MTMR8: variants seen among roughly 807,000 people sequenced by gnomAD.
The protein encoded by MTMR8 is myotubularin related protein 8.
In MTMR8, 65 loss-of-function variants were observed where a neutral mutation model predicts 39.3. The ratio of observed to expected loss-of-function variants is 1.65; its 90% CI spans 1.35 to 2.03. The LOEUF (loss-of-function observed/expected upper bound fraction) is 2.03, where lower values mean the gene tolerates loss of function less well. MTMR8 is among the 30% of genes most tolerant of loss of function. The pLI, the probability that MTMR8 is intolerant of heterozygous loss-of-function variation, is 0.00. For synonymous variants in MTMR8, 245 were observed against 185.2 expected, an observed-to-expected ratio of 1.32 and a Z score of -2.62; for missense variants, 777 against 538.9, an observed-to-expected ratio of 1.44 and a Z score of -4.37.
intron 12 of MTMR8, among the ~76,000 whole-genome samples, chrX:64,321,891 T>C (rs1027698814): frequency 1.8e-5 from 2 of 112,062 alleles, no homozygotes; most frequent in Non-Finnish European, 3.8e-5. Context: ...TGTCAAATAC[T>C]TTTTCTTCAT....
rs760545171 is a variant in MTMR8, at chrX:64,362,471, G to GAAAAAA, written c.25-2950_25-2945dup. On this transcript the variant is annotated intron_variant, in intron 1 of 13. Coordinates refer to ENST00000374852, the MANE Select transcript of MTMR8 (RefSeq NM_017677.4). Reference sequence around the variant, plus strand: ...ACAAAAAACCTCTAGTACTATTGCAGAAAAAAAAAAAAAAAAAAAAAAAAA... The same window carrying GAAAAAA: ...ACAAAAAACCTCTAGTACTATTGCAGAAAAAAAAAAAAAAAAAAAAAAAAAAAAAAA... Among the ~76,000 whole-genome samples, 7 of 5,500 alleles carry GAAAAAA rather than the reference G, an allele frequency of 1.3e-3. 1 individual carries two copies. The highest frequency in any genetic ancestry group is 1.7e-3 in the African/African-American group (3 of 1,755). 4.8% of individuals were successfully genotyped at this position (5,500 alleles called of 115,157 possible).
intron 1 of MTMR8, among the ~76,000 whole-genome samples, chrX:64,372,490 T>A (rs908799544): frequency 2.7e-5 from 3 of 111,480 alleles, no homozygotes; most frequent in African/African-American, 9.8e-5. Context: ...ACCCATCCCT[T>A]CTCCATCGAG....
At chrX:64,340,824 T>C (rs1051683536) in intron 8 of MTMR8, among the ~76,000 whole-genome samples, 21 of 111,564 alleles carry the variant, frequency 1.9e-4, no homozygotes, top group African/African-American at 6.9e-4. Flanking sequence ...TAAAACATGA[T>C]ACAAAATCTA....
intron 12 of MTMR8, among the ~76,000 whole-genome samples, chrX:64,322,547 G>A (rs978106637): frequency 1.8e-5 from 2 of 111,790 alleles, no homozygotes; most frequent in Admixed American, 1.9e-4. Flanking sequence ...TTCTTTGATT[G>A]GAGACTTTCT....
intron 12 of MTMR8, among the ~76,000 whole-genome samples, chrX:64,316,082 A>G (rs757059599): frequency 1.3e-4 from 15 of 111,525 alleles, no homozygotes; most frequent in African/African-American, 4.6e-4. Flanking sequence ...CTCTCTATAC[A>G]TTTAGAATCA....
intron 1 of MTMR8, among the ~76,000 whole-genome samples, chrX:64,375,617 T>C (rs1255516050): frequency 1.8e-5 from 2 of 110,868 alleles, no homozygotes; most frequent in Non-Finnish European, 3.8e-5. Context: ...TGCTCATAAA[T>C]GGGATTAGTG....
At chrX:64,291,800 C>T (rs994761579) in intron 12 of MTMR8, among the ~76,000 whole-genome samples, 4 of 111,596 alleles carry the variant, frequency 3.6e-5, no homozygotes, top group African/African-American at 1.3e-4. Flanking sequence ...TCTATATTTT[C>T]TATGGTCTCC....
At chrX:64,383,684 A>G (rs758258136) in intron 1 of MTMR8, among the ~76,000 whole-genome samples, 1 of 110,344 alleles carries the variant, frequency 9.1e-6, no homozygotes, top group South Asian at 3.9e-4. Flanking sequence ...CTCACACAAT[A>G]TCATGAGAAC....
intron 8 of MTMR8, among the ~76,000 whole-genome samples, chrX:64,341,414 G>A (rs986867548): frequency 9.5e-6 from 1 of 105,577 alleles, no homozygotes; most frequent in African/African-American, 3.5e-5. Flanking sequence ...GGTAGGCGGA[G>A]GTTGCAGTGA....
chrX:64,353,239 G>A (rs1250113385), intron 4 of MTMR8, among the ~76,000 whole-genome samples: 2 of 111,719 alleles, frequency 1.8e-5, no homozygotes, highest in East Asian at 5.6e-4. Context: ...AGCAAAAATA[G>A]GCAAATGGGT....
At chrX:64,350,444 T>C (rs1335912485) in intron 4 of MTMR8, among the ~76,000 whole-genome samples, 4 of 111,837 alleles carry the variant, frequency 3.6e-5, no homozygotes, top group African/African-American at 9.7e-5. Context: ...TGTGTTTCTG[T>C]CTATGATTTT....
chrX:64,338,342 C>T (rs2147224492), intron 8 of MTMR8, among the ~76,000 whole-genome samples: 1 of 112,014 alleles, frequency 8.9e-6, no homozygotes, highest in Non-Finnish European at 1.9e-5. Flanking sequence ...AAAATCCATG[C>T]CAGGTATAAC....
intron 12 of MTMR8, among the ~76,000 whole-genome samples, chrX:64,317,533 C>T (rs1922504461): frequency 9.0e-6 from 1 of 111,512 alleles, no homozygotes; most frequent in South Asian, 3.8e-4. Flanking sequence ...GAATAATTTT[C>T]ATTTGGTTCT....
At chrX:64,282,980 C>A (rs1825884158) in intron 12 of MTMR8, among the ~76,000 whole-genome samples, 1 of 111,621 alleles carries the variant, frequency 9.0e-6, no homozygotes, top group Non-Finnish European at 1.9e-5. Flanking sequence ...ACAGTGGGGG[C>A]AGGACAGTGG....
intron 12 of MTMR8, among the ~76,000 whole-genome samples, chrX:64,311,738 T>C (rs1480500132): frequency 9.1e-6 from 1 of 110,001 alleles, no homozygotes; most frequent in Non-Finnish European, 1.9e-5. Flanking sequence ...CCAGCACCAT[T>C]TATTAAATAG....
At chrX:64,331,088 C>T (rs1365315792) in intron 11 of MTMR8, among the ~76,000 whole-genome samples, 2 of 111,385 alleles carry the variant, frequency 1.8e-5, no homozygotes, top group African/African-American at 6.5e-5. Flanking sequence ...AACCAAATAC[C>T]ACCTGTTCCT....
At chrX:64,362,149 C>A (rs1305129385) in intron 1 of MTMR8, among the ~76,000 whole-genome samples, 2 of 109,199 alleles carry the variant, frequency 1.8e-5, no homozygotes, top group East Asian at 5.8e-4. Flanking sequence ...ACAGAGAAAA[C>A]TTTAAAAGTC....
intron 10 of MTMR8, among the ~76,000 whole-genome samples, chrX:64,334,794 CT>C (rs1307208191): frequency 3.6e-5 from 4 of 111,196 alleles, no homozygotes; most frequent in Non-Finnish European, 7.5e-5. Context: ...TCTACTCATA[CT>C]TTAAATCTCA....
chrX:64,388,293 C>T (rs1924613000), intron 1 of MTMR8, among the ~76,000 whole-genome samples: 1 of 112,095 alleles, frequency 8.9e-6, no homozygotes, highest in Admixed American at 9.5e-5. Context: ...CCCCCAACAG[C>T]AGAGAGCATT....
Sources: allele counts gnomAD v4.1 joint callset (sites outside exome capture counted in the v4.1 genomes callset), GRCh38; gene constraint gnomAD v4.1.1; transcripts MANE v1.5; gene names NCBI Gene and HGNC (gene_info 2026-07-23, HGNC 2026-07-21).